The following CATSPERG variants were observed in gnomAD, a reference collection of about 807,000 sequenced individuals.
CATSPERG encodes catsper channel auxiliary subunit gamma.
Under a neutral mutation model 145.0 loss-of-function variants are expected in CATSPERG, and 115 were observed. The observed-to-expected ratio is 0.79, with a 90% CI of 0.68 to 0.93. The LOEUF is 0.93. Among genes scored for constraint, CATSPERG ranks in the 40% least tolerant of loss-of-function variants. The probability of loss-of-function intolerance (pLI) is 0.00; values close to 1 mark genes in which losing one functional copy is unlikely to be tolerated. For missense variants in CATSPERG, 1,296 were observed against 1,490.1 expected (o/e 0.87, Z 2.14); for synonymous variants, 588 against 589.0 (o/e 1.00, Z 0.02).
intron 7 of CATSPERG, 83 bp from the exon 8 acceptor site, chr19:38,352,178 A>G (rs1970153345): frequency 1.5e-6 from 2 of 1,376,748 alleles, no homozygotes; most frequent in South Asian, 1.3e-5. Context: ...AGCAGCTGTC[A>G]GAGCAGGAGC....
intron 12 of CATSPERG, 24 bp downstream of exon 12, chr19:38,358,352 C>T (rs779826154): frequency 1.2e-6 from 2 of 1,614,116 alleles, no homozygotes; most frequent in Non-Finnish European, 8.5e-7. Context: ...GCAGACGTGG[C>T]CTCAGGGTGG....
intron 26 of CATSPERG, 137 bp downstream of exon 26, chr19:38,368,274 C>CT: frequency 1.4e-6 from 1 of 721,806 alleles, no homozygotes; most frequent in Admixed American, 2.3e-5. Flanking sequence ...TGGGGCTGAA[C>CT]TTTGCACAAG....
chr19:38,352,489 A>G (rs772429826), intron 8 of CATSPERG, 57 bp downstream of exon 8: 109 of 1,508,180 alleles, frequency 7.2e-5, no homozygotes, highest in Non-Finnish European at 9.5e-5. Context: ...GAACCCCTCC[A>G]CTGAAGGTGG....
intron 3 of CATSPERG, among the ~76,000 whole-genome samples, chr19:38,338,958 G>A (rs191289077): frequency 6.6e-6 from 1 of 152,046 alleles, no homozygotes; most frequent in African/African-American, 2.4e-5. Flanking sequence ...GGGGGGAGGG[G>A]GTGGCGACGA....
At chr19:38,354,304 G>A (rs927556135) in intron 8 of CATSPERG, among the ~76,000 whole-genome samples, 4 of 152,188 alleles carry the variant, frequency 2.6e-5, no homozygotes, top group African/African-American at 9.7e-5. Flanking sequence ...TCACTGTCAC[G>A]GTTAGACAGT....
chr19:38,335,997 G>GA (rs1969827117), intron 1 of CATSPERG, 122 bp downstream of exon 1: 3 of 290,672 alleles, frequency 1.0e-5, no homozygotes, highest in Admixed American at 8.3e-5. Context: ...GGAAAGAGGG[G>GA]AAGAGTCGTG....
intron 14 of CATSPERG, chr19:38,359,960 G>A (rs1183108225): frequency 2.9e-6 from 3 of 1,047,044 alleles, no homozygotes; most frequent in Non-Finnish European, 3.5e-6. Flanking sequence ...CTGGGGGCTT[G>A]TGCATGTCAG....
chr19:38,336,775 T>C (rs1007740528), intron 1 of CATSPERG: 6 of 249,056 alleles, frequency 2.4e-5, no homozygotes, highest in East Asian at 1.1e-4. Context: ...AGAGCAAGAG[T>C]GGAATACAGG....
At chr19:38,342,408 T>G (rs879151326) in intron 3 of CATSPERG, among the ~76,000 whole-genome samples, 3 of 151,850 alleles carry the variant, frequency 2.0e-5, no homozygotes, top group Admixed American at 2.0e-4. Flanking sequence ...GAGACCAGGC[T>G]GGCCAACGTG....
At chr19:38,351,907 T>A in intron 7 of CATSPERG, among the ~76,000 whole-genome samples, 1 of 151,842 alleles carries the variant, frequency 6.6e-6, no homozygotes, top group South Asian at 2.1e-4. Flanking sequence ...ATCCAGCCTT[T>A]AAAAAAAATG....
At chr19:38,346,117 T>G (rs1970037309) in intron 6 of CATSPERG, among the ~76,000 whole-genome samples, 1 of 152,102 alleles carries the variant, frequency 6.6e-6, no homozygotes, top group Non-Finnish European at 1.5e-5. Context: ...AATGGGATGG[T>G]CAAGAAAGGC....
At chr19:38,357,395 C>T (rs1262772030) in intron 11 of CATSPERG, among the ~76,000 whole-genome samples, 3 of 150,508 alleles carry the variant, frequency 2.0e-5, no homozygotes, top group Non-Finnish European at 4.4e-5. Flanking sequence ...TGGAGTCGCA[C>T]CTGTAGTCCC....
chr19:38,341,233 G>A (rs1423416597), intron 3 of CATSPERG, among the ~76,000 whole-genome samples: 1 of 152,194 alleles, frequency 6.6e-6, no homozygotes, highest in Non-Finnish European at 1.5e-5. Context: ...TGCAGAGGAG[G>A]GATTGGATCT....
intron 11 of CATSPERG, 146 bp from the exon 12 acceptor site, chr19:38,358,132 A>G: frequency 1.4e-6 from 1 of 717,444 alleles, no homozygotes; most frequent in Non-Finnish European, 2.3e-6. Context: ...GAAATAAAAG[A>G]AAAGAAACTC....
Position 38,362,978 on chromosome 19 carries a change from T to C in CATSPERG, c.2475+146T>C, listed in dbSNP as rs1600479833. Reference sequence around the variant, plus strand: ...TTCTTGGCCTCCTGGGCTCAAGCGATCCTCCTCCCTCAACCTCCTGAGTAG... The same window carrying C: ...TTCTTGGCCTCCTGGGCTCAAGCGACCCTCCTCCCTCAACCTCCTGAGTAG... On this transcript the variant is annotated intron_variant, in intron 20 of 28. Transcript: ENST00000409235. 6.4e-6 allele frequency: 4 copies of C among 623,442 alleles called. No homozygotes were observed. In the East Asian group the frequency reaches 1.1e-4, roughly 17 times the overall value. 38.6% of individuals were successfully genotyped at this position (623,442 alleles called of 1,614,324 possible).
Position 38,353,822 on chromosome 19 carries a change from T to C in CATSPERG, c.998-888T>C, listed in dbSNP as rs534954379. On this transcript the variant is annotated intron_variant, in intron 8 of 28. Transcript: ENST00000409235. ...GCCTGGCCAATATGGTGAAACCCCGTCTCTACTAAAAATACAAAAATTAGC... is the reference window on the plus strand; with the variant it reads ...GCCTGGCCAATATGGTGAAACCCCGCCTCTACTAAAAATACAAAAATTAGC... 4.5e-3 allele frequency among the ~76,000 whole-genome samples: 658 copies of C among 147,590 alleles called. 2 individuals carry two copies. Among genetic ancestry groups the C allele is most frequent in the Non-Finnish European group, 7.6e-3 (508 of 67,168 alleles).
At chr19:38,348,821 A>G (rs1408723117) in intron 7 of CATSPERG, among the ~76,000 whole-genome samples, 1 of 152,208 alleles carries the variant, frequency 6.6e-6, no homozygotes, top group Non-Finnish European at 1.5e-5. Context: ...TTCAATGTGA[A>G]TTCAGGCATC....
intron 3 of CATSPERG, among the ~76,000 whole-genome samples, chr19:38,342,216 A>AAATAAATAAAT (rs1969950615): frequency 6.7e-6 from 1 of 148,520 alleles, no homozygotes; most frequent in African/African-American, 2.5e-5. Context: ...TCCCATGTAA[A>AAATAAATAAAT]AAATAAATAA....
intron 22 of CATSPERG, 134 bp downstream of exon 22, chr19:38,365,251 C>CCCACCCACTA (rs1246418890): frequency 1.2e-4 from 92 of 748,346 alleles, no homozygotes; most frequent in Admixed American, 1.2e-4. Context: ...CATTCATCCA[C>CCCACCCACTA]CCACCCACTA....
Sources: gnomAD v4.1 joint callset for allele counts (sites outside exome capture counted in the v4.1 genomes callset) on GRCh38, gnomAD v4.1.1 for gene constraint, MANE v1.5 for transcripts, NCBI Gene and HGNC (gene_info 2026-07-23, HGNC 2026-07-21) for gene names.